EFR3A: variants seen among roughly 807,000 people sequenced by gnomAD.
The protein encoded by EFR3A is protein EFR3 homolog A.
In EFR3A, 76 loss-of-function variants were observed where a neutral mutation model predicts 104.4. The ratio of observed to expected loss-of-function variants is 0.73; its 90% CI spans 0.60 to 0.88. The LOEUF (loss-of-function observed/expected upper bound fraction) is 0.88, where lower values mean the gene tolerates loss of function less well. EFR3A is among the 40% of genes least tolerant of loss of function. The pLI is 0.00. For missense variants in EFR3A, 985 were observed against 1,012.5 expected (o/e 0.97, Z 0.37); for synonymous variants, 330 against 330.0 (o/e 1.00, Z 0.00).
intron 1 of EFR3A, among the ~76,000 whole-genome samples, chr8:131,922,641 T>G (rs1817105439): frequency 6.6e-6 from 1 of 152,142 alleles, no homozygotes; most frequent in Admixed American, 6.5e-5. Context: ...TCTTAAATTC[T>G]CCAGTTATTC....
chr8:131,915,517 T>A (rs1054605222), intron 1 of EFR3A, among the ~76,000 whole-genome samples: 2 of 152,200 alleles, frequency 1.3e-5, no homozygotes, highest in African/African-American at 4.8e-5. Context: ...AGTCCCTAGC[T>A]TCAAAAAGTT....
intron 8 of EFR3A, among the ~76,000 whole-genome samples, chr8:131,963,385 G>A (rs552759566): frequency 6.6e-6 from 1 of 151,786 alleles, no homozygotes; most frequent in Non-Finnish European, 1.5e-5. Flanking sequence ...ATGATAAAGG[G>A]GATATCACCA....
rs543739193 is a variant in EFR3A at position 131,965,204 on chromosome 8, C to A, written c.856-3091C>A. 1.9e-3 allele frequency among the ~76,000 whole-genome samples: 290 copies of A among 151,890 alleles called. 2 individuals carry two copies. Among genetic ancestry groups the A allele is most frequent in the African/African-American group, 6.7e-3 (279 of 41,442 alleles). On this transcript the variant is annotated intron_variant, in intron 8 of 22. Transcript: ENST00000254624. ...CCAAAAGCAATGGCAACAAAAGCCA[C>A]AATTGACAAATGGGATCTAATTAAA...
At chr8:131,961,374 A>C (rs920354136) in intron 8 of EFR3A, among the ~76,000 whole-genome samples, 3 of 152,242 alleles carry the variant, frequency 2.0e-5, no homozygotes, top group African/African-American at 7.2e-5. Context: ...AAAGGACCTG[A>C]TGGAGCTGAA....
At chr8:131,904,584 A>T (rs1432904468) in intron 1 of EFR3A, among the ~76,000 whole-genome samples, 1 of 152,242 alleles carries the variant, frequency 6.6e-6, no homozygotes, top group Non-Finnish European at 1.5e-5. Context: ...AGCTGGTGGT[A>T]ACCTGACCCG....
intron 1 of EFR3A, among the ~76,000 whole-genome samples, chr8:131,907,979 G>A (rs1030883193): frequency 2.0e-5 from 3 of 151,996 alleles, no homozygotes; most frequent in African/African-American, 4.8e-5. Context: ...GTCCCCACTT[G>A]TGGGGACATG....
Position 132,001,808 on chromosome 8 carries a change from G to T in EFR3A, c.2206+1G>T. ...TTTGAAGCATTGAAGAAAGCAATTG[G>T]TGAGATATTTTGCACTTGTTAGTAC... On this transcript the variant is annotated splice_donor_variant, in intron 20 of 22. Coordinates refer to ENST00000254624, the MANE Select transcript of EFR3A (RefSeq NM_015137.6). LOFTEE classifies it high-confidence loss of function. The T allele has an allele frequency of 6.2e-7, 1 of 1,612,892 alleles. No homozygotes were observed. Among genetic ancestry groups the T allele is most frequent in the Non-Finnish European group, 8.5e-7 (1 of 1,179,096 alleles).
intron 1 of EFR3A, among the ~76,000 whole-genome samples, chr8:131,934,513 T>TA (rs1340244226): frequency 2.6e-5 from 4 of 152,190 alleles, no homozygotes; most frequent in Non-Finnish European, 4.4e-5. Context: ...TTTTAAAACT[T>TA]AATTTTTAAA....
intron 16 of EFR3A, 119 bp downstream of exon 16, chr8:131,985,179 A>C (rs1364345952): frequency 1.9e-6 from 2 of 1,035,732 alleles, no homozygotes; most frequent in Non-Finnish European, 2.8e-6. Flanking sequence ...TTCTATAAAA[A>C]TCTACAGCCA....
chr8:131,950,023 G>A lies in EFR3A; in HGVS notation c.421G>A (p.Asp141Asn). The A allele has an allele frequency of 1.2e-6, 2 of 1,608,048 alleles. No homozygotes were observed. The highest frequency in any genetic ancestry group is 1.7e-6 in the Non-Finnish European group (2 of 1,177,678). Residue 141 changes from aspartate to asparagine, a missense_variant, in exon 5 of 23, where the codon GAC (aspartate) becomes AAC (asparagine). By Grantham distance (23) the Asp-to-Asn change is conservative. Transcript: ENST00000254624. The stretch of plus-strand genomic sequence containing the variant: ...CACACCATCCTATCACAGACGTTAT[G>A]ACTTTTTTGTGTCTCGATTCAGTGC... The part of the protein sequence containing the change: ...EDTPSYHRRY[D>N]FFVSRFSAMC...
intron 9 of EFR3A, among the ~76,000 whole-genome samples, chr8:131,968,890 A>G (rs1440726934): frequency 6.6e-6 from 1 of 152,226 alleles, no homozygotes; most frequent in Non-Finnish European, 1.5e-5. Flanking sequence ...TTAGTTTAGA[A>G]GTCAGAGAAG....
intron 4 of EFR3A, 92 bp downstream of exon 4, chr8:131,946,725 A>G: frequency 8.1e-7 from 1 of 1,231,410 alleles, no homozygotes; most frequent in Middle Eastern, 2.2e-4. Context: ...GTAAAGGCAA[A>G]TTCCCTGAAT....
intron 22 of EFR3A, among the ~76,000 whole-genome samples, chr8:132,007,583 C>G: frequency 6.6e-6 from 1 of 151,854 alleles, no homozygotes; most frequent in African/African-American, 2.4e-5. Flanking sequence ...AATCAAAACC[C>G]CAACAGACTT....
At chr8:131,959,535 A>G in intron 7 of EFR3A, 50 bp from the exon 8 acceptor site, 14 of 1,482,592 alleles carry the variant, frequency 9.4e-6, no homozygotes, top group Non-Finnish European at 1.3e-5. Flanking sequence ...TTCTAGAGGA[A>G]GAAAGTATAG....
chr8:131,996,258 CG>C, intron 18 of EFR3A, 147 bp from the exon 19 acceptor site: 1 of 491,346 alleles, frequency 2.0e-6, no homozygotes, highest in South Asian at 3.5e-5. Flanking sequence ...TCCGAGAACA[CG>C]CTGCTTTTAT....
intron 8 of EFR3A, among the ~76,000 whole-genome samples, chr8:131,961,203 T>A (rs1161833382): frequency 1.3e-5 from 2 of 152,132 alleles, no homozygotes; most frequent in East Asian, 3.9e-4. Context: ...GGAACAAAGC[T>A]GGATGGAGAA....
rs34036162 is a variant in EFR3A at position 131,982,941 on chromosome 8, C to CA, written c.1576-1192dup. ...TGGTGGGTAGCTTTATGTCTGTAGC[C>CA]AAAAAAGGCTTACTAACACTGTAAC... is the stretch of plus-strand genomic sequence containing the variant. On this transcript the variant is annotated intron_variant, in intron 14 of 22. Coordinates refer to ENST00000254624, the MANE Select transcript of EFR3A (RefSeq NM_015137.6). Among the ~76,000 whole-genome samples, 5 of 152,086 alleles carry CA rather than the reference C, an allele frequency of 3.3e-5. No individual in the cohort carries two copies. The East Asian group carries it at 7.7e-4, about 24-fold the overall frequency.
At chr8:131,930,213 C>T (rs1817519608) in intron 1 of EFR3A, among the ~76,000 whole-genome samples, 1 of 152,072 alleles carries the variant, frequency 6.6e-6, no homozygotes, top group Non-Finnish European at 1.5e-5. Flanking sequence ...GCTGGATGGA[C>T]ATTGTGCAGA....
At chr8:131,930,493 GGTC>G (rs1351042130) in intron 1 of EFR3A, among the ~76,000 whole-genome samples, 7 of 114,454 alleles carry the variant, frequency 6.1e-5, no homozygotes, top group Non-Finnish European at 1.2e-4. Flanking sequence ...AAATTTCAAA[GGTC>G]TGGTCATGTT....
Sources: allele counts gnomAD v4.1 joint callset (sites outside exome capture counted in the v4.1 genomes callset), GRCh38; gene constraint gnomAD v4.1.1; transcripts MANE v1.5; gene names NCBI Gene and HGNC (gene_info 2026-07-23, HGNC 2026-07-21).